Variants in LIMS1 observed in about 807,000 individuals in gnomAD.
LIMS1 encodes the protein LIM zinc finger domain containing 1.
A neutral mutation model predicts 44.1 loss-of-function variants in LIMS1; 18 were observed. The observed-to-expected ratio is 0.41, with a 90% CI of 0.28 to 0.61. The LOEUF is 0.61. LIMS1 is among the 20% of genes least tolerant of loss of function. The pLI, the probability that LIMS1 is intolerant of heterozygous loss-of-function variation, is 0.32. For missense variants in LIMS1, 201 were observed against 422.0 expected, an observed-to-expected ratio of 0.48 and a Z score of 4.59; for synonymous variants, 93 against 149.1, an observed-to-expected ratio of 0.62 and a Z score of 2.74.
chr2:108,601,958 G>A (rs1687039636), intron 1 of LIMS1, among the ~76,000 whole-genome samples: 1 of 121,386 alleles, frequency 8.2e-6, no homozygotes, highest in Non-Finnish European at 1.8e-5. Context: ...TCCATTTTTT[G>A]GTGTTCTATT....
intron 1 of LIMS1, among the ~76,000 whole-genome samples, chr2:108,568,615 TA>T (rs1362037173): frequency 2.6e-5 from 4 of 152,196 alleles, no homozygotes; most frequent in African/African-American, 9.7e-5. Flanking sequence ...CTGTTTTCCA[TA>T]ATACCCACAC....
At chr2:108,675,916 A>T in exon 6 of LIMS1, 1 of 1,613,852 alleles carries the variant, frequency 6.2e-7, no homozygotes, top group Non-Finnish European at 8.5e-7. Context: ...CTGAAAGGGG[A>T]GCTATACTGC....
At chr2:108,568,985 A>G (rs1685389658) in intron 1 of LIMS1, among the ~76,000 whole-genome samples, 1 of 151,904 alleles carries the variant, frequency 6.6e-6, no homozygotes, top group South Asian at 2.1e-4. Flanking sequence ...TCCGCCTCCC[A>G]GGTTCCAGCG....
intron 1 of LIMS1, among the ~76,000 whole-genome samples, chr2:108,611,660 G>C (rs541976376): frequency 6.6e-6 from 1 of 151,698 alleles, no homozygotes; most frequent in Non-Finnish European, 1.5e-5. Flanking sequence ...CGTGGGGATC[G>C]CTTGAGCTCA....
chr2:108,594,977 A>C (rs1017975198), intron 1 of LIMS1, among the ~76,000 whole-genome samples: 9 of 152,212 alleles, frequency 5.9e-5, no homozygotes, highest in African/African-American at 2.2e-4. Context: ...ATGGTGGGGC[A>C]AGAAAGCAGC....
In LIMS1 at chr2:108,668,523, C is replaced by T. The variant is rs532034872; in HGVS notation, c.193-2258C>T. On this transcript the variant is annotated intron_variant, in intron 2 of 9. Coordinates refer to ENST00000544547, the Ensembl canonical transcript of LIMS1. The stretch of plus-strand genomic sequence containing the variant: ...TAATGTCCTACAGGTTCATCCATGT[C>T]GCCACAGATGACAGGATCTCATTCT... Among the ~76,000 whole-genome samples the T allele has an allele frequency of 3.3e-5, 5 of 152,268 alleles. No homozygotes were observed. In the South Asian group the frequency reaches 1.0e-3, roughly 32 times the overall value.
intron 1 of LIMS1, among the ~76,000 whole-genome samples, chr2:108,628,023 T>C (rs1329033503): frequency 6.6e-6 from 1 of 152,250 alleles, no homozygotes; most frequent in Non-Finnish European, 1.5e-5. Context: ...ATGCCCCCTC[T>C]GACCCCTGAA....
intron 1 of LIMS1, among the ~76,000 whole-genome samples, chr2:108,633,408 G>A (rs1689040434): frequency 6.6e-6 from 1 of 152,168 alleles, no homozygotes; most frequent in Non-Finnish European, 1.5e-5. Flanking sequence ...TCATTAGAGC[G>A]TCAGACCTCT....
At chr2:108,686,116 G>A in exon 10 of LIMS1, 1 of 152,100 alleles carries the variant, frequency 6.6e-6, no homozygotes, top group East Asian at 1.9e-4. Flanking sequence ...CACGAGGTCA[G>A]GAGATCAAGA....
At chr2:108,641,495 A>ATTTGT (rs1237333771) in intron 1 of LIMS1, among the ~76,000 whole-genome samples, 1 of 152,084 alleles carries the variant, frequency 6.6e-6, no homozygotes. Flanking sequence ...TAGGGAGAGA[A>ATTTGT]TTTGTTTTGT....
At chr2:108,591,427 G>GA (rs983018140) in intron 1 of LIMS1, among the ~76,000 whole-genome samples, 2 of 151,916 alleles carry the variant, frequency 1.3e-5, no homozygotes, top group African/African-American at 4.8e-5. Context: ...CAAGTTCCCA[G>GA]AAAAAAGAGG....
At chr2:108,551,503 A>T (rs1212332351) in intron 1 of LIMS1, among the ~76,000 whole-genome samples, 1 of 139,934 alleles carries the variant, frequency 7.1e-6, no homozygotes, top group African/African-American at 2.5e-5. Flanking sequence ...ACACACACAC[A>T]CACACACACA....
chr2:108,664,701 A>C (rs1405371357), intron 2 of LIMS1, among the ~76,000 whole-genome samples: 1 of 152,198 alleles, frequency 6.6e-6, no homozygotes, highest in African/African-American at 2.4e-5. Flanking sequence ...AAGTTGAGCT[A>C]TACTATGTTT....
At chr2:108,665,078 A>G (rs2438782) in intron 2 of LIMS1, among the ~76,000 whole-genome samples, 2 of 152,210 alleles carry the variant, frequency 1.3e-5, no homozygotes, top group Admixed American at 6.5e-5. Flanking sequence ...GTATTTTCTC[A>G]TTAAGTAGAA....
At chr2:108,676,482 G>A in intron 6 of LIMS1, 124 bp from the exon 7 acceptor site, 8 of 1,206,494 alleles carry the variant, frequency 6.6e-6, no homozygotes, top group Non-Finnish European at 9.2e-6. Flanking sequence ...GCCACCTATG[G>A]CCAAATGAAA....
Position 108,559,722 on chromosome 2 carries a change from A to G in LIMS1, c.32+25128A>G, listed in dbSNP as rs1056004690. 1.3e-4 allele frequency among the ~76,000 whole-genome samples: 20 copies of G among 152,152 alleles called. 1 individual carries two copies. The highest frequency in any genetic ancestry group is 6.5e-4 in the Admixed American group (10 of 15,290). ...GAATCTATATCAGTCTTCAACATAC[A>G]TTTGTGGGAAGTGTGTGGCGTGTGT... On this transcript the variant is annotated intron_variant, in intron 1 of 9. Transcript: ENST00000544547.
intron 1 of LIMS1, among the ~76,000 whole-genome samples, chr2:108,537,295 A>G (rs916461729): frequency 1.3e-5 from 2 of 152,252 alleles, no homozygotes; most frequent in African/African-American, 4.8e-5. Flanking sequence ...AACCACTGTT[A>G]AAGACATAAT....
At chr2:108,673,618 G>A (rs961981953) in intron 5 of LIMS1, 1 of 159,314 alleles carries the variant, frequency 6.3e-6, no homozygotes. Context: ...CAAACTCCTG[G>A]GCTCAAGCAA....
At chr2:108,547,832 T>G (rs968668601) in intron 1 of LIMS1, among the ~76,000 whole-genome samples, 1 of 152,220 alleles carries the variant, frequency 6.6e-6, no homozygotes, top group African/African-American at 2.4e-5. Context: ...CTTCTTTCTT[T>G]AGAATACAAT....
Sources: gnomAD v4.1 joint callset for allele counts (sites outside exome capture counted in the v4.1 genomes callset) on GRCh38, gnomAD v4.1.1 for gene constraint, MANE v1.5 for transcripts, NCBI Gene and HGNC (gene_info 2026-07-23, HGNC 2026-07-21) for gene names.